The following MATR3 variants were observed in gnomAD, a reference collection of about 807,000 sequenced individuals.
MATR3 encodes matrin-3.
MATR3 carries 4 observed loss-of-function variants against 85.5 expected under a neutral mutation model. The observed-to-expected ratio is 0.05, with a 90% CI of 0.02 to 0.11. The LOEUF is 0.11. MATR3 is among the 10% of genes least tolerant of loss of function. MATR3 has a pLI of 1.00. For synonymous variants in MATR3, 336 were observed against 343.1 expected (o/e 0.98, Z 0.23); for missense variants, 685 against 1,016.1 (o/e 0.67, Z 4.43).
At chr5:139,293,924 G>C in intron 1 of MATR3, 119 bp downstream of exon 1, 1 of 1,207,270 alleles carries the variant, frequency 8.3e-7, no homozygotes, top group Non-Finnish European at 1.0e-6. Context: ...TTTCTTGCTC[G>C]CTCCCGCTCT....
Position 139,330,879 on chromosome 5 carries a change from C to T in MATR3, c.*1484C>T, listed in dbSNP as rs1035008717. ...GTGGCACAGTTCTCTGCAACCTCAG[C>T]CTTTGGGCTCAAATGACCCTCCTAC... On this transcript the variant is annotated 3_prime_UTR_variant, in exon 15 of 15. Transcript: ENST00000394805. 4.4e-6 allele frequency: 2 copies of T among 453,850 alleles called. No homozygotes were observed. Among genetic ancestry groups the T allele is most frequent in the African/African-American group, 4.0e-5 (2 of 49,994 alleles). The allele number at this position is 453,850 out of a possible 1,614,324, so 28.1% of individuals were successfully genotyped here.
At chr5:139,320,022 G>A (rs1456789492) in intron 9 of MATR3, among the ~76,000 whole-genome samples, 2 of 142,518 alleles carry the variant, frequency 1.4e-5, no homozygotes, top group African/African-American at 5.2e-5. Context: ...AAAAAATATA[G>A]AGTTAGCCAG....
chr5:139,316,756 G>A (rs1273094869), intron 5 of MATR3, among the ~76,000 whole-genome samples: 6 of 152,042 alleles, frequency 3.9e-5, no homozygotes, highest in Non-Finnish European at 8.8e-5. Flanking sequence ...TCGCGGTGTT[G>A]CCCAGGCTGG....
At chr5:139,283,508 C>T (rs1197440694) in intron 3 of MATR3, 4 of 152,390 alleles carry the variant, frequency 2.6e-5, no homozygotes, top group Non-Finnish European at 4.4e-5. Context: ...ATTTCTTACC[C>T]CAACAATGAT....
At chr5:139,283,923 CA>C (rs1220482469) in intron 3 of MATR3, among the ~76,000 whole-genome samples, 1 of 152,196 alleles carries the variant, frequency 6.6e-6, no homozygotes, top group African/African-American at 2.4e-5. Context: ...GATCTCAGCT[CA>C]GTTGCAGAGA....
In MATR3 at chr5:139,307,629, G is replaced by A; in HGVS notation, c.214G>A (p.Ala72Thr). ...ATTGAATCAACAAGGAGCTCATAGT[G>A]CACTGTCTTCTGCTAGTACTTCTTC... Reference protein sequence around the residue: ...SSLNQQGAHSALSSASTSSHN... With the variant: ...SSLNQQGAHSTLSSASTSSHN... Residue 72 changes from alanine (A) to threonine (T), a missense_variant, in exon 2 of 15, where the codon GCA becomes ACA. Transcript: ENST00000394805. This position sits in a 1 kb window ranked among gnomAD's most constrained non-coding sequence, Gnocchi z 4.4. 1 of 1,614,130 alleles carries A rather than the reference G, an allele frequency of 6.2e-7. No homozygotes were observed. Among genetic ancestry groups the A allele is most frequent in the Non-Finnish European group, 8.5e-7 (1 of 1,180,022 alleles).
chr5:139,319,099 G>T, intron 8 of MATR3, 66 bp downstream of exon 8: 3 of 1,535,262 alleles, frequency 2.0e-6, no homozygotes, highest in Non-Finnish European at 2.7e-6. Context: ...ATTAACTGTG[G>T]TTATTTCAAA....
rs766762054 is a variant in MATR3 at position 139,307,696 on chromosome 5, C to A, written c.281C>A (p.Pro94Gln). Residue 94 changes from proline to glutamine, a missense_variant, in exon 2 of 15, where the codon CCA becomes CAA. By Grantham distance (76) the Pro-to-Gln change is moderately conservative. Transcript: ENST00000394805. This position sits in a 1 kb window ranked among gnomAD's most constrained non-coding sequence, Gnocchi z 4.4. ...QSIFNIGSRG[P>Q]LPLSSQHRGD... ...ATATTTAACATTGGAAGTAGAGGTC[C>A]ACTCCCTTTATCTTCTCAACACCGT... is the stretch of plus-strand genomic sequence containing the variant. 6.2e-7 allele frequency: 1 copy of A among 1,614,078 alleles called. No individual in the cohort carries two copies. Among genetic ancestry groups the A allele is most frequent in the Admixed American group, 1.7e-5 (1 of 60,014 alleles).
intron 6 of MATR3, 114 bp from the exon 7 acceptor site, chr5:139,317,482 G>A (rs1339487518): frequency 1.9e-6 from 2 of 1,052,616 alleles, no homozygotes; most frequent in African/African-American, 1.6e-5. Flanking sequence ...GTTATGAGTT[G>A]TTTTACTTAC....
intron 1 of MATR3, among the ~76,000 whole-genome samples, chr5:139,296,417 T>A (rs1321476301): frequency 6.6e-6 from 1 of 152,248 alleles, no homozygotes; most frequent in African/African-American, 2.4e-5. Context: ...CCAAAATGTT[T>A]GCTCAGATGT....
At chr5:139,277,970 CT>C (rs1753355880) in intron 2 of MATR3, among the ~76,000 whole-genome samples, 1 of 151,820 alleles carries the variant, frequency 6.6e-6, no homozygotes, top group Non-Finnish European at 1.5e-5. Context: ...TGGCTCGCAC[CT>C]GTATTCCCAG....
Position 139,321,886 on chromosome 5 carries a change from T to C in MATR3, c.1603-12T>C. 6.2e-7 allele frequency: 1 copy of C among 1,610,900 alleles called. No homozygotes were observed. The highest frequency in any genetic ancestry group is 1.1e-5 in the South Asian group (1 of 90,824). On this transcript the variant is annotated splice_polypyrimidine_tract_variant and intron_variant, in intron 9 of 14. Transcript: ENST00000394805. ...ATAATGTGCTTTGTGGTTTCTTTTC[T>C]TTCTTTTTAAGGCTTTTATTGAGAT...
At chr5:139,318,693 C>G (rs2151994493) in intron 7 of MATR3, among the ~76,000 whole-genome samples, 1 of 152,384 alleles carries the variant, frequency 6.6e-6, no homozygotes, top group East Asian at 1.9e-4. Context: ...GATCCGCCTG[C>G]CTCGGCCTCC....
At chr5:139,328,264 A>C (rs1755960928) in intron 14 of MATR3, among the ~76,000 whole-genome samples, 3 of 151,026 alleles carry the variant, frequency 2.0e-5, no homozygotes, top group Admixed American at 2.0e-4. Context: ...ATACTTTCCT[A>C]ACTGGATGTT....
chr5:139,307,650 T>A lies in MATR3; in HGVS notation c.235T>A (p.Ser79Thr). The A allele has an allele frequency of 1.9e-6, 3 of 1,614,202 alleles. No individual in the cohort carries two copies. Among genetic ancestry groups the A allele is most frequent in the Non-Finnish European group, 2.5e-6 (3 of 1,180,034 alleles). ...TAGTGCACTGTCTTCTGCTAGTACT[T>A]CTTCCCATAATTTGCAGTCTATATT... ...AHSALSSASTSSHNLQSIFNI... is the reference protein window; with the variant it reads ...AHSALSSASTTSHNLQSIFNI... The change falls in exon 2 of 15, where the codon TCT (serine) becomes ACT (threonine). Residue 79 changes from serine (S) to threonine (T), a missense_variant. Ser to Thr is a moderately conservative substitution (Grantham distance 58). Around this residue, in one of 9 missense-constraint regions of MATR3, gnomAD observed 57 missense variants for 68.6 expected, o/e 0.83. Transcript: ENST00000394805. The surrounding 1 kb of genome is among the most constrained non-coding windows in gnomAD (Gnocchi z 4.4).
intron 2 of MATR3, chr5:139,312,489 G>C (rs1282876580): frequency 6.6e-6 from 1 of 152,158 alleles, no homozygotes; most frequent in Admixed American, 6.5e-5. Context: ...CTGATGATTA[G>C]AGAGCCAGCT....
rs1754804432 is a variant in MATR3, at chr5:139,308,180, T to G, written c.765T>G (p.Arg255=). The change falls in exon 2 of 15, where the codon CGT becomes CGG. Residue 255 remains arginine, a synonymous_variant. Coordinates refer to ENST00000394805, the MANE Select transcript of MATR3 (RefSeq NM_018834.6). The part of the protein sequence containing the change: ...KFDSEYERMG[R]GPGPLQERSL... ...ACAGTGAGTATGAGAGAATGGGACGTGGTCCTGGCCCCTTACAAGAGAGAT... is the reference window on the plus strand; with the variant it reads ...ACAGTGAGTATGAGAGAATGGGACGGGGTCCTGGCCCCTTACAAGAGAGAT... 1 of 1,614,048 alleles carries G rather than the reference T, an allele frequency of 6.2e-7. No individual in the cohort carries two copies. The highest frequency in any genetic ancestry group is 1.3e-5 in the African/African-American group (1 of 74,932).
In MATR3 at chr5:139,317,029, T is replaced by C. The variant is rs766169827; in HGVS notation, c.1130-24T>C. ...TAAGCAAGTATAGTGATTACAAGAC[T>C]GAAAACTTTCTCTTCCCATAAAGGT... On this transcript the variant is annotated intron_variant, in intron 5 of 14. Coordinates refer to ENST00000394805, the MANE Select transcript of MATR3 (RefSeq NM_018834.6). 28 of 1,607,606 alleles carry C rather than the reference T, an allele frequency of 1.7e-5. No individual in the cohort carries two copies. The South Asian group carries it at 2.8e-4, about 16-fold the overall frequency.
At chr5:139,277,276 T>TACAGGCAA (rs1412657576) in intron 2 of MATR3, among the ~76,000 whole-genome samples, 5 of 152,002 alleles carry the variant, frequency 3.3e-5, no homozygotes, top group Non-Finnish European at 7.4e-5. Context: ...GTGCTGGGGT[T>TACAGGCAA]ACAGGCATGA....
Sources: allele counts gnomAD v4.1 joint callset (sites outside exome capture counted in the v4.1 genomes callset), GRCh38; gene constraint gnomAD v4.1.1; regional missense constraint gnomAD v4.1.1; non-coding constraint Gnocchi (gnomAD v3.1); transcripts MANE v1.5; gene names NCBI Gene and HGNC (gene_info 2026-07-23, HGNC 2026-07-21).